Variants in CDH18 observed in about 807,000 individuals in gnomAD.
CDH18 encodes the protein cadherin-18.
Under a neutral mutation model 67.9 loss-of-function variants are expected in CDH18, and 31 were observed. The observed-to-expected ratio is 0.46, with a 90% confidence interval of 0.34 to 0.62. The LOEUF is 0.62. Among genes scored for constraint, CDH18 ranks in the 20% least tolerant of loss-of-function variants. CDH18 has a pLI of 0.01. For synonymous variants in CDH18, 362 were observed against 347.2 expected (o/e 1.04, Z -0.48); for missense variants, 890 against 975.5 (o/e 0.91, Z 1.17).
chr5:20,041,526 C>T (rs1740419879), intron 2 of CDH18, among the ~76,000 whole-genome samples: 1 of 152,110 alleles, frequency 6.6e-6, no homozygotes, highest in Admixed American at 6.5e-5. Context: ...GAAGTGGTTT[C>T]CTTCTCCTCC....
chr5:20,464,911 A>G (rs759013207), intron 1 of CDH18, among the ~76,000 whole-genome samples: 4 of 152,160 alleles, frequency 2.6e-5, no homozygotes, highest in Non-Finnish European at 5.9e-5. Context: ...AATAAAACTC[A>G]CAGACATGAA....
intron 1 of CDH18, among the ~76,000 whole-genome samples, chr5:20,405,438 A>C (rs1746157158): frequency 6.6e-6 from 1 of 152,238 alleles, no homozygotes. Context: ...AAATTAATTC[A>C]AGATGGATTA....
intron 1 of CDH18, among the ~76,000 whole-genome samples, chr5:20,537,639 A>T (rs1358870915): frequency 1.3e-5 from 2 of 152,146 alleles, no homozygotes; most frequent in South Asian, 2.1e-4. Context: ...TGTAAGTCAT[A>T]AAAAACTCAA....
rs534514934 is a variant in CDH18, at chr5:19,507,583, T to G, written c.1513-4474A>C. Among the ~76,000 whole-genome samples the G allele has an allele frequency of 2.2e-4, 34 of 152,022 alleles. 1 individual carries two copies. In the South Asian group the frequency reaches 7.1e-3, roughly 32 times the overall value. ...TGAAATACTATGCAGCCATAAAAAA[T>G]GATGAGTTCATGTCCTTTGTAGGGA... On this transcript the variant is annotated intron_variant, in intron 10 of 12. Transcript: ENST00000382275.
chr5:20,488,673 T>TAA (rs1753366266), intron 1 of CDH18, among the ~76,000 whole-genome samples: 1 of 126,978 alleles, frequency 7.9e-6, no homozygotes, highest in African/African-American at 2.8e-5. Flanking sequence ...GGGTAGTGTT[T>TAA]TATATATATA....
At chr5:20,165,579 C>T (rs1231264735) in intron 2 of CDH18, among the ~76,000 whole-genome samples, 2 of 152,052 alleles carry the variant, frequency 1.3e-5, no homozygotes, top group South Asian at 2.1e-4. Context: ...TAGCAATAAT[C>T]CCCCTTTATT....
intron 1 of CDH18, among the ~76,000 whole-genome samples, chr5:20,544,200 C>A (rs1308794660): frequency 7.6e-6 from 1 of 131,016 alleles, no homozygotes; most frequent in Admixed American, 8.0e-5. Context: ...TTTCGAGAGA[C>A]ATTACAAATT....
At chr5:19,630,758 G>T (rs1378582686) in intron 5 of CDH18, among the ~76,000 whole-genome samples, 1 of 152,086 alleles carries the variant, frequency 6.6e-6, no homozygotes, top group Non-Finnish European at 1.5e-5. Flanking sequence ...AGAATGAACG[G>T]GTCCCCTAGA....
intron 2 of CDH18, among the ~76,000 whole-genome samples, chr5:20,040,982 A>C (rs533428220): frequency 6.6e-6 from 1 of 152,162 alleles, no homozygotes; most frequent in African/African-American, 2.4e-5. Context: ...AGTTTTATAT[A>C]CTGATCATCT....
At chr5:20,335,991 A>C (rs1739692108) in intron 1 of CDH18, among the ~76,000 whole-genome samples, 1 of 152,192 alleles carries the variant, frequency 6.6e-6, no homozygotes, top group African/African-American at 2.4e-5. Context: ...TTTTGTAATT[A>C]AAATAATGGT....
chr5:20,386,502 A>G (rs1339562490), intron 1 of CDH18, among the ~76,000 whole-genome samples: 4 of 152,122 alleles, frequency 2.6e-5, no homozygotes, highest in Non-Finnish European at 5.9e-5. Context: ...GTATTTTTAG[A>G]TCAGAGAAGC....
intron 1 of CDH18, among the ~76,000 whole-genome samples, chr5:20,491,265 T>C (rs1357771461): frequency 6.6e-6 from 1 of 151,748 alleles, no homozygotes; most frequent in Non-Finnish European, 1.5e-5. Context: ...ATGTTCACCA[T>C]TCTCCATGTA....
At chr5:20,339,520 A>G (rs1431953908) in intron 1 of CDH18, among the ~76,000 whole-genome samples, 2 of 151,988 alleles carry the variant, frequency 1.3e-5, no homozygotes, top group African/African-American at 4.8e-5. Context: ...GGAGGCGGGA[A>G]TCCCTGGAAA....
chr5:19,671,605 T>C (rs900635094), intron 5 of CDH18, among the ~76,000 whole-genome samples: 25 of 152,118 alleles, frequency 1.6e-4, no homozygotes, highest in Non-Finnish European at 3.2e-4. Context: ...CATTTTGACA[T>C]GGGAATTTGT....
chr5:19,734,968 C>G (rs757582022), intron 4 of CDH18, among the ~76,000 whole-genome samples: 36 of 152,244 alleles, frequency 2.4e-4, no homozygotes, highest in Non-Finnish European at 2.4e-4. Context: ...CACTCACATA[C>G]TCTGAAATGT....
intron 2 of CDH18, among the ~76,000 whole-genome samples, chr5:19,854,893 C>T (rs1411736202): frequency 1.3e-5 from 2 of 149,766 alleles, no homozygotes; most frequent in African/African-American, 4.9e-5. Context: ...ACTATCCTTT[C>T]CAGCCTCTGA....
At position 20,241,132 on chromosome 5, in the gene CDH18, TA is replaced by T. The variant is rs1242869178; in HGVS notation, c.-518+14311del. 2.0e-5 allele frequency among the ~76,000 whole-genome samples: 3 copies of T among 152,186 alleles called. No homozygotes were observed. In the East Asian group the frequency reaches 5.8e-4, roughly 29 times the overall value. ...TGTGTAATGGATATGAACACAAATA[TA>T]AAAAAGTGTCTTATTTATGGAATTC... On this transcript the variant is annotated intron_variant, in intron 2 of 14. Coordinates refer to the CDH18 transcript ENST00000507958.
chr5:20,321,257 AAC>A (rs1737996600), intron 1 of CDH18, among the ~76,000 whole-genome samples: 1 of 152,006 alleles, frequency 6.6e-6, no homozygotes, highest in South Asian at 2.1e-4. Context: ...TGCTTGCTAA[AAC>A]ACAGTTTCCT....
intron 3 of CDH18, among the ~76,000 whole-genome samples, chr5:19,756,359 G>A (rs150731442): frequency 0.011 from 1,715 of 152,280 alleles, 21 homozygotes; most frequent in Admixed American, 0.043. Flanking sequence ...TCACGTGGTC[G>A]TAGCTGGTAT....
Sources: gnomAD v4.1 joint callset for allele counts (sites outside exome capture counted in the v4.1 genomes callset) on GRCh38, gnomAD v4.1.1 for gene constraint, MANE v1.5 for transcripts, NCBI Gene and HGNC (gene_info 2026-07-23, HGNC 2026-07-21) for gene names.